Variants in WDR1 observed in about 807,000 individuals in gnomAD.
The protein encoded by WDR1 is WD repeat domain 1.
A neutral mutation model predicts 71.9 loss-of-function variants in WDR1; 21 were observed. The ratio of observed to expected loss-of-function variants is 0.29; its 90% CI spans 0.21 to 0.42. The LOEUF is 0.42. WDR1 is among the 10% of genes least tolerant of loss of function. The pLI is 1.00. For missense variants in WDR1, 696 were observed against 824.5 expected (o/e 0.84, Z 1.91); for synonymous variants, 424 against 347.4 (o/e 1.22, Z -2.45).
At chr4:10,088,974 T>G (rs1430990730) in intron 5 of WDR1, among the ~76,000 whole-genome samples, 1 of 152,194 alleles carries the variant, frequency 6.6e-6, no homozygotes, top group Non-Finnish European at 1.5e-5. Context: ...GGAAAGCTGA[T>G]TAGCCCGAGC....
intron 1 of WDR1, 186 bp from the exon 2 acceptor site, chr4:10,116,420 G>T: frequency 3.2e-6 from 3 of 933,522 alleles, no homozygotes; most frequent in Non-Finnish European, 4.5e-6. Context: ...CCAGGCCCTT[G>T]GGGGCAGCGG....
chr4:10,077,578 C>A, intron 13 of WDR1, 130 bp from the exon 14 acceptor site: 2 of 1,491,208 alleles, frequency 1.3e-6, no homozygotes, highest in Non-Finnish European at 9.1e-7. Context: ...ATGCCAGCGA[C>A]CCCTGCAAAC....
chr4:10,093,106 C>CACAGAGCG, intron 5 of WDR1: 1 of 1,289,470 alleles, frequency 7.8e-7, no homozygotes, highest in Non-Finnish European at 1.0e-6. Flanking sequence ...ATGTCAACAT[C>CACAGAGCG]ACAGAGCGAC....
intron 11 of WDR1, among the ~76,000 whole-genome samples, chr4:10,080,848 C>T (rs1444181663): frequency 6.6e-6 from 1 of 152,234 alleles, no homozygotes; most frequent in Non-Finnish European, 1.5e-5. Flanking sequence ...CTCTAGGCCT[C>T]AGCCTCCTCA....
chr4:10,080,496 T>C lies in WDR1; in HGVS notation c.1284+861A>G, dbSNP rs115350389. 9.8e-3 allele frequency among the ~76,000 whole-genome samples: 1,497 copies of C among 152,366 alleles called. 12 individuals are homozygous for C. The highest frequency in any genetic ancestry group is 0.015 in the Admixed American group (224 of 15,308). On this transcript the variant is annotated intron_variant, in intron 11 of 14. Coordinates refer to ENST00000499869, the MANE Select transcript of WDR1 (RefSeq NM_017491.5). ...CAATAATTACTTGGCAGGGATTTCT[T>C]ATTATCTAGGACACAGAGAAATCCA...
At chr4:10,080,189 C>G (rs1366604591) in intron 11 of WDR1, among the ~76,000 whole-genome samples, 1 of 152,206 alleles carries the variant, frequency 6.6e-6, no homozygotes, top group East Asian at 1.9e-4. Context: ...GTCTGAACAT[C>G]CTCTCAGCCT....
At chr4:10,084,379 G>C in intron 9 of WDR1, 64 bp downstream of exon 9, 1 of 1,499,150 alleles carries the variant, frequency 6.7e-7, no homozygotes, top group East Asian at 2.4e-5. Flanking sequence ...CTGGCATCAT[G>C]GGAACAGGAA....
intron 2 of WDR1, among the ~76,000 whole-genome samples, chr4:10,107,006 A>G (rs1713061325): frequency 6.6e-6 from 1 of 152,150 alleles, no homozygotes; most frequent in South Asian, 2.1e-4. Flanking sequence ...TTGGGGAAGA[A>G]GAATGAGATT....
chr4:10,111,685 CCT>C (rs1197056446), intron 2 of WDR1, among the ~76,000 whole-genome samples: 26 of 152,106 alleles, frequency 1.7e-4, no homozygotes, highest in Admixed American at 1.7e-3. Context: ...GTCCTCAAGC[CCT>C]CTGTCATGCC....
chr4:10,078,765 T>A (rs1764893949), intron 12 of WDR1, 126 bp downstream of exon 12: 2 of 755,714 alleles, frequency 2.6e-6, no homozygotes, highest in African/African-American at 3.6e-5. Flanking sequence ...ACGCCCCGAC[T>A]GCCCCCATCC....
intron 3 of WDR1, among the ~76,000 whole-genome samples, chr4:10,103,303 C>G (rs5002382): frequency 0.1 from 15,153 of 149,726 alleles, 974 homozygotes; most frequent in East Asian, 0.31. Flanking sequence ...CACACACACA[C>G]ACACACACAC....
At chr4:10,081,623 G>A (rs1765016535) in intron 10 of WDR1, among the ~76,000 whole-genome samples, 179 bp from the exon 11 acceptor site, 1 of 128,394 alleles carries the variant, frequency 7.8e-6, no homozygotes, top group African/African-American at 2.9e-5. Context: ...TGACTCTGGT[G>A]CAAAGAGATT....
Position 10,075,156 on chromosome 4 carries a change from G to C in WDR1, c.*222C>G. ...TTAGTTATGCTCCACACATTGTTTAGGTGCTCGCTTTATTTTTCATGTGCA... is the reference window on the plus strand; with the variant it reads ...TTAGTTATGCTCCACACATTGTTTACGTGCTCGCTTTATTTTTCATGTGCA... On this transcript the variant is annotated 3_prime_UTR_variant, in exon 15 of 15. Transcript: ENST00000499869. 1.8e-6 allele frequency: 1 copy of C among 548,076 alleles called. No homozygotes were observed. Among genetic ancestry groups the C allele is most frequent in the Non-Finnish European group, 3.2e-6 (1 of 307,958 alleles). 34.0% of individuals were successfully genotyped at this position (548,076 alleles called of 1,614,324 possible). A position where few individuals can be genotyped will look rare whatever the true frequency, so the allele number is the denominator to read the frequency against.
chr4:10,090,407 A>G (rs924827513), intron 5 of WDR1, among the ~76,000 whole-genome samples: 1 of 152,172 alleles, frequency 6.6e-6, no homozygotes, highest in Non-Finnish European at 1.5e-5. Flanking sequence ...AGTCCGTCAG[A>G]GTCAGCAGAA....
intron 11 of WDR1, 113 bp from the exon 12 acceptor site, chr4:10,079,114 A>G: frequency 1.3e-6 from 1 of 786,390 alleles, no homozygotes. Context: ...TTGGCTCCAT[A>G]CCCAACCTCT....
At chr4:10,106,158 C>T (rs540261631) in intron 2 of WDR1, among the ~76,000 whole-genome samples, 10 of 152,246 alleles carry the variant, frequency 6.6e-5, no homozygotes, top group African/African-American at 2.4e-4. Context: ...AATGTTCTGT[C>T]ATGACAGGGG....
chr4:10,089,766 G>A (rs1026933169), intron 5 of WDR1, among the ~76,000 whole-genome samples: 1 of 152,206 alleles, frequency 6.6e-6, no homozygotes, highest in Non-Finnish European at 1.5e-5. Flanking sequence ...GCTGCCCCGC[G>A]CTCTAAGTAA....
chr4:10,081,665 G>C (rs1560529293), intron 10 of WDR1, among the ~76,000 whole-genome samples: 3 of 63,982 alleles, frequency 4.7e-5, no homozygotes, highest in South Asian at 6.0e-4. Flanking sequence ...GGGAGGGGTG[G>C]GGGGGGGGGA....
chr4:10,092,816 C>G (rs1712085039), intron 5 of WDR1: 1 of 346,890 alleles, frequency 2.9e-6, no homozygotes, highest in Admixed American at 3.6e-5. Context: ...GGGGCAGCAG[C>G]TTCCTGAGGC....
Sources: gnomAD v4.1 joint callset for allele counts (sites outside exome capture counted in the v4.1 genomes callset) on GRCh38, gnomAD v4.1.1 for gene constraint, MANE v1.5 for transcripts, NCBI Gene and HGNC (gene_info 2026-07-23, HGNC 2026-07-21) for gene names.